IGF2R: variants seen among roughly 807,000 people sequenced by gnomAD.
The protein encoded by IGF2R is cation-independent mannose-6-phosphate receptor.
IGF2R carries 91 observed loss-of-function variants against 270.6 expected under a neutral mutation model. The ratio of observed to expected loss-of-function variants is 0.34; its 90% CI spans 0.28 to 0.40. The LOEUF (loss-of-function observed/expected upper bound fraction) is 0.40, where lower values mean the gene tolerates loss of function less well. IGF2R is among the 10% of genes least tolerant of loss of function. IGF2R has a pLI of 1.00. For missense variants in IGF2R, 2,805 were observed against 3,188.3 expected (o/e 0.88, Z 2.90); for synonymous variants, 1,316 against 1,258.9 (o/e 1.05, Z -0.96).
At chr6:160,013,037 C>T (rs113513755) in intron 4 of IGF2R, among the ~76,000 whole-genome samples, 1 of 151,954 alleles carries the variant, frequency 6.6e-6, no homozygotes, top group African/African-American at 2.4e-5. Flanking sequence ...AGACCCCAGA[C>T]CTCTCAGTCC....
Position 160,107,167 on chromosome 6 carries a change from T to C in IGF2R, c.*2083T>C, listed in dbSNP as rs1286367668. 1 of 152,252 alleles carries C rather than the reference T, an allele frequency of 6.6e-6. No homozygotes were observed. The highest frequency in any genetic ancestry group is 1.5e-5 in the Non-Finnish European group (1 of 68,050). 9.4% of individuals were successfully genotyped at this position (152,252 alleles called of 1,614,324 possible). A position where few individuals can be genotyped will look rare whatever the true frequency, so the allele number is the denominator to read the frequency against. ...CCTGAGGAAGACATGTCAGGTCTTC[T>C]AAAAGTTTACATTATGACCAAAGAA... On this transcript the variant is annotated 3_prime_UTR_variant, in exon 48 of 48. Transcript: ENST00000356956.
intron 10 of IGF2R, among the ~76,000 whole-genome samples, chr6:160,036,262 A>G (rs1485844815): frequency 2.6e-5 from 4 of 152,098 alleles, no homozygotes; most frequent in Non-Finnish European, 4.4e-5. Flanking sequence ...CAGCTTCTCC[A>G]TCATTCTCTC....
In IGF2R at chr6:160,073,387, A is replaced by C. The variant is rs766092725; in HGVS notation, c.4865A>C (p.Asn1622Thr). 1.9e-6 allele frequency: 3 copies of C among 1,614,152 alleles called. No individual in the cohort carries two copies. The highest frequency in any genetic ancestry group is 2.5e-6 in the Non-Finnish European group (3 of 1,179,952). Reference sequence around the variant, plus strand: ...TGCAGGCCTGAGGCCAGGCCAACCAATAGGCCCATGCTCATCTCCCTGGAC... The same window carrying C: ...TGCAGGCCTGAGGCCAGGCCAACCACTAGGCCCATGCTCATCTCCCTGGAC... ...FVCRPEARPT[N>T]RPMLISLDKQ... Residue 1622 changes from asparagine to threonine, a missense_variant, in exon 34 of 48, where the codon AAT becomes ACT. Asn to Thr is a moderately conservative substitution (Grantham distance 65). Around this residue, in one of 2 missense-constraint regions of IGF2R, gnomAD observed 1,851 missense variants for 2,207.2 expected, o/e 0.84. Coordinates refer to ENST00000356956, the MANE Select transcript of IGF2R (RefSeq NM_000876.4).
intron 11 of IGF2R, among the ~76,000 whole-genome samples, chr6:160,042,034 C>T (rs1371599846): frequency 6.6e-6 from 1 of 151,696 alleles, no homozygotes; most frequent in Non-Finnish European, 1.5e-5. Context: ...TAAGAGACAA[C>T]CTAGGATCTA....
intron 1 of IGF2R, among the ~76,000 whole-genome samples, chr6:159,972,972 T>C (rs1783633295): frequency 6.6e-6 from 1 of 152,242 alleles, no homozygotes. Flanking sequence ...GAGTTAGAAG[T>C]TAATGATTCT....
chr6:160,040,455 A>G (rs1777919809), intron 10 of IGF2R, 105 bp from the exon 11 acceptor site: 3 of 903,670 alleles, frequency 3.3e-6, no homozygotes, highest in Admixed American at 2.3e-5. Context: ...GAATTTTTTA[A>G]CGGAGCAGTT....
rs149971115 is a variant in IGF2R, at chr6:160,105,506, GA to G, written c.*431del. ...ACAATTACTCAGGTTTGAGAAAAAGGAAAAAAAAACAGCCACCGTTTCTTCC... is the reference window on the plus strand; with the variant it reads ...ACAATTACTCAGGTTTGAGAAAAAGGAAAAAAAACAGCCACCGTTTCTTCC... On this transcript the variant is annotated 3_prime_UTR_variant, in exon 48 of 48. Transcript: ENST00000356956. 7 of 154,396 alleles carry G rather than the reference GA, an allele frequency of 4.5e-5. No homozygotes were observed. Among genetic ancestry groups the G allele is most frequent in the South Asian group, 2.0e-4 (1 of 4,956 alleles). 9.6% of individuals were successfully genotyped at this position (154,396 alleles called of 1,614,324 possible). A position where few individuals can be genotyped will look rare whatever the true frequency, so the allele number is the denominator to read the frequency against.
In IGF2R at chr6:160,047,195, G is replaced by T; in HGVS notation, c.2088G>T (p.Ala696=). 6.2e-7 allele frequency: 1 copy of T among 1,614,102 alleles called. No homozygotes were observed. Among genetic ancestry groups the T allele is most frequent in the Non-Finnish European group, 8.5e-7 (1 of 1,180,014 alleles). Residue 696 remains alanine, a synonymous_variant, in exon 16 of 48, where the codon GCG becomes GCT. Coordinates refer to ENST00000356956, the MANE Select transcript of IGF2R (RefSeq NM_000876.4). The part of the protein sequence containing the change: ...EKTWNLGLSN[A]KLSYYDGMIQ... ...CTTGGAACTTGGGTCTGAGTAATGC[G>T]AAGCTTTCATATTATGATGGGATGA...
intron 4 of IGF2R, among the ~76,000 whole-genome samples, chr6:160,014,126 T>C (rs1368938318): frequency 6.6e-6 from 1 of 152,258 alleles, no homozygotes; most frequent in Non-Finnish European, 1.5e-5. Flanking sequence ...CAGTGGATTC[T>C]GGTAGAGGCT....
At chr6:160,048,916 G>A (rs1050128371) in intron 18 of IGF2R, among the ~76,000 whole-genome samples, 1 of 152,208 alleles carries the variant, frequency 6.6e-6, no homozygotes, top group Non-Finnish European at 1.5e-5. Context: ...GGGAAAAACC[G>A]ATTTGGGAGA....
chr6:160,104,180 T>C (rs1436696400), intron 47 of IGF2R, among the ~76,000 whole-genome samples: 2 of 152,122 alleles, frequency 1.3e-5, no homozygotes, highest in Non-Finnish European at 2.9e-5. Context: ...AGAGGCATTA[T>C]CTGGATCAAA....
chr6:160,058,959 T>C lies in IGF2R; in HGVS notation c.2952T>C (p.Ala984=), dbSNP rs750312716. 1 of 1,614,226 alleles carries C rather than the reference T, an allele frequency of 6.2e-7. No homozygotes were observed. The highest frequency in any genetic ancestry group is 8.5e-7 in the Non-Finnish European group (1 of 1,180,030). ...GTGGGACCATCCTGGGAAAACCTGC[T>C]TCTGGCTGTGAGGCAGAAACCCAAA... ...PVCGTILGKP[A]SGCEAETQTE... The change falls in exon 22 of 48, where the codon GCT becomes GCC. Residue 984 remains alanine, a synonymous_variant. Transcript: ENST00000356956.
chr6:160,073,142 G>T (rs8191889), intron 33 of IGF2R, 71 bp from the exon 34 acceptor site: 23 of 1,577,738 alleles, frequency 1.5e-5, no homozygotes, highest in Non-Finnish European at 2.0e-5. Context: ...CCTGACTTGC[G>T]AAAGTTCTCA....
chr6:160,003,002 A>G (rs993366149), intron 2 of IGF2R, among the ~76,000 whole-genome samples: 1 of 152,214 alleles, frequency 6.6e-6, no homozygotes, highest in Non-Finnish European at 1.5e-5. Flanking sequence ...TCACTAAGGA[A>G]CAGTGTTAAT....
At chr6:160,089,328 G>A (rs1296274531) in intron 43 of IGF2R, 75 bp downstream of exon 43, 9 of 1,336,052 alleles carry the variant, frequency 6.7e-6, no homozygotes, top group Middle Eastern at 2.4e-4. Context: ...TTTCCCTATC[G>A]GGGAGCACTG....
chr6:160,043,640 C>A (rs923760840), intron 12 of IGF2R, among the ~76,000 whole-genome samples: 1 of 152,210 alleles, frequency 6.6e-6, no homozygotes, highest in Admixed American at 6.5e-5. Flanking sequence ...TGCCTAGAAT[C>A]GTTCAAAAGT....
intron 45 of IGF2R, among the ~76,000 whole-genome samples, chr6:160,101,314 G>A (rs1779480544): frequency 6.6e-6 from 1 of 152,212 alleles, no homozygotes; most frequent in Admixed American, 6.5e-5. Flanking sequence ...CTGAGTGGCT[G>A]GAGCTGCTTC....
chr6:159,980,162 C>G (rs1223858968), intron 1 of IGF2R, among the ~76,000 whole-genome samples: 1 of 132,628 alleles, frequency 7.5e-6, no homozygotes, highest in Non-Finnish European at 1.6e-5. Flanking sequence ...GCCTGGGCAA[C>G]ACAGTGAGAC....
intron 5 of IGF2R, among the ~76,000 whole-genome samples, 167 bp from the exon 6 acceptor site, chr6:160,027,018 T>G (rs951020048): frequency 5.3e-5 from 8 of 152,254 alleles, no homozygotes; most frequent in Non-Finnish European, 8.8e-5. Context: ...TCCTTCATCC[T>G]GAGCTTTGTT....
Sources: allele counts gnomAD v4.1 joint callset (sites outside exome capture counted in the v4.1 genomes callset), GRCh38; gene constraint gnomAD v4.1.1; regional missense constraint gnomAD v4.1.1; transcripts MANE v1.5; gene names NCBI Gene and HGNC (gene_info 2026-07-23, HGNC 2026-07-21).